The following TIAM2 variants were observed in gnomAD, a reference collection of about 807,000 sequenced individuals.
The protein encoded by TIAM2 is TIAM Rac1 associated GEF 2.
A neutral mutation model predicts 152.9 loss-of-function variants in TIAM2; 80 were observed. The ratio of observed to expected loss-of-function variants is 0.52; its 90% CI spans 0.44 to 0.63. The LOEUF (loss-of-function observed/expected upper bound fraction) is 0.63, where lower values mean the gene tolerates loss of function less well. Among genes scored for constraint, TIAM2 ranks in the 30% least tolerant of loss-of-function variants. The pLI is 0.00. For missense variants in TIAM2, 1,965 were observed against 2,120.1 expected, an observed-to-expected ratio of 0.93 and a Z score of 1.44; for synonymous variants, 804 against 838.0, an observed-to-expected ratio of 0.96 and a Z score of 0.70.
intron 1 of TIAM2, among the ~76,000 whole-genome samples, chr6:155,039,682 T>C (rs1377636026): frequency 6.6e-6 from 1 of 152,050 alleles, no homozygotes; most frequent in Admixed American, 6.6e-5. Flanking sequence ...AAAAGATCTT[T>C]CTTCTGACTG....
At chr6:155,065,747 C>T (rs533866071) in intron 1 of TIAM2, among the ~76,000 whole-genome samples, 3 of 152,190 alleles carry the variant, frequency 2.0e-5, no homozygotes, top group East Asian at 3.9e-4. Flanking sequence ...CCAGCTTGGG[C>T]AACAGAATAA....
rs150063533 is a variant in TIAM2 at position 155,163,035 on chromosome 6, G to C, written c.2029-1380G>C. 2.0e-4 allele frequency among the ~76,000 whole-genome samples: 30 copies of C among 152,276 alleles called. No homozygotes were observed. In the East Asian group the frequency reaches 3.3e-3, roughly 17 times the overall value. ...GGAATGCCCAGAATTTGTAATACTTGTCTATGGGGAGAGACTGGAGGGGGC... is the reference window on the plus strand; with the variant it reads ...GGAATGCCCAGAATTTGTAATACTTCTCTATGGGGAGAGACTGGAGGGGGC... On this transcript the variant is annotated intron_variant, in intron 7 of 26. Transcript: ENST00000682666.
At chr6:155,135,874 T>A (rs546156843) in intron 4 of TIAM2, among the ~76,000 whole-genome samples, 1 of 152,216 alleles carries the variant, frequency 6.6e-6, no homozygotes, top group Admixed American at 6.5e-5. Flanking sequence ...TTCATGAAAG[T>A]AATTCTCTAA....
chr6:155,083,157 G>A (rs1277490926), intron 1 of TIAM2, among the ~76,000 whole-genome samples: 5 of 151,858 alleles, frequency 3.3e-5, no homozygotes, highest in South Asian at 2.1e-4. Flanking sequence ...AGACCAGCTC[G>A]GTGAACATGG....
At chr6:155,045,838 C>CTT (rs1238583120) in intron 1 of TIAM2, among the ~76,000 whole-genome samples, 1 of 45,152 alleles carries the variant, frequency 2.2e-5, no homozygotes, top group Non-Finnish European at 4.5e-5. Context: ...ACATAGTGCC[C>CTT]TCTTTTTTTT....
chr6:155,103,617 G>A (rs916210390), intron 2 of TIAM2, among the ~76,000 whole-genome samples: 18 of 151,282 alleles, frequency 1.2e-4, no homozygotes, highest in African/African-American at 4.1e-4. Flanking sequence ...CCAGCTACTC[G>A]GGAGGCTGAG....
chr6:155,257,069 C>T lies in TIAM2; in HGVS notation c.5054C>T (p.Ser1685Phe). The T allele has an allele frequency of 1.2e-6, 2 of 1,613,742 alleles. No homozygotes were observed. The highest frequency in any genetic ancestry group is 1.7e-6 in the Non-Finnish European group (2 of 1,180,000). The change falls in exon 27 of 27, where the codon TCT becomes TTT. Residue 1685 changes from serine (S) to phenylalanine (F), a missense_variant. By Grantham distance (155) the Ser-to-Phe change is radical. Around this residue, in one of 3 missense-constraint regions of TIAM2, gnomAD observed 935 missense variants for 980.0 expected, o/e 0.95. Transcript: ENST00000682666. ...GAATTCAGTGTCCAGAGTTTAACAT[C>T]TGTTGTCAGTGAGGAGTGTTTTTAT... Reference protein sequence around the residue: ...EREFSVQSLTSVVSEECFYET... With the variant: ...EREFSVQSLTFVVSEECFYET...
intron 2 of TIAM2, among the ~76,000 whole-genome samples, chr6:155,100,168 A>T (rs1347909007): frequency 1.3e-5 from 2 of 152,202 alleles, no homozygotes; most frequent in African/African-American, 4.8e-5. Context: ...TATGATCATT[A>T]TGAGACAGGC....
intron 14 of TIAM2, among the ~76,000 whole-genome samples, chr6:155,195,716 G>C (rs952662623): frequency 1.2e-4 from 18 of 152,224 alleles, no homozygotes; most frequent in Non-Finnish European, 2.4e-4. Flanking sequence ...TGTGCATAGG[G>C]CAGGCCGGTA....
At chr6:155,239,573 A>G (rs1395818019) in intron 15 of TIAM2, among the ~76,000 whole-genome samples, 1 of 152,270 alleles carries the variant, frequency 6.6e-6, no homozygotes, top group African/African-American at 2.4e-5. Context: ...GGATACAGAT[A>G]GGCTGTCTTT....
chr6:155,075,530 T>C (rs1777936561), intron 1 of TIAM2, among the ~76,000 whole-genome samples: 1 of 152,170 alleles, frequency 6.6e-6, no homozygotes, highest in Admixed American at 6.5e-5. Flanking sequence ...AGAATTAGTG[T>C]GTAATAACAC....
intron 1 of TIAM2, among the ~76,000 whole-genome samples, chr6:155,032,935 A>T (rs7747339): frequency 0.26 from 40,300 of 152,122 alleles, 6,564 homozygotes; most frequent in African/African-American, 0.46. Context: ...TTCCCCCTGA[A>T]ATTTTCTGCC....
At chr6:155,242,468 G>A (rs1450989523) in intron 16 of TIAM2, among the ~76,000 whole-genome samples, 1 of 152,224 alleles carries the variant, frequency 6.6e-6, no homozygotes, top group Non-Finnish European at 1.5e-5. Context: ...CGTGGAATAT[G>A]GTGAGGGAAG....
At chr6:155,185,904 A>C in intron 14 of TIAM2, among the ~76,000 whole-genome samples, 1 of 152,154 alleles carries the variant, frequency 6.6e-6, no homozygotes, top group East Asian at 1.9e-4. Context: ...CCTGTGCTGG[A>C]AAAAACAGCC....
Position 155,250,989 on chromosome 6 carries a change from A to G in TIAM2, c.4028A>G (p.Lys1343Arg). ...TTGAATCCATTTCTGTCTCTAGGAA[A>G]AGCTAGAAAGGACCTTGAGCTCACA... ...SWLNPFLSLG[K>R]ARKDLELTVF... The change falls in exon 22 of 27, where the codon AAA becomes AGA. Residue 1343 changes from lysine (K) to arginine (R), a missense_variant. By Grantham distance (26) the Lys-to-Arg change is conservative (BLOSUM62 2). Transcript: ENST00000682666. 1 of 1,614,170 alleles carries G rather than the reference A, an allele frequency of 6.2e-7. No homozygotes were observed.
chr6:155,246,919 A>G (rs1331481105), intron 19 of TIAM2, among the ~76,000 whole-genome samples: 1 of 152,250 alleles, frequency 6.6e-6, no homozygotes, highest in Non-Finnish European at 1.5e-5. Flanking sequence ...GCAACTGGGC[A>G]TCCAGTGCCA....
chr6:155,072,397 G>T (rs547653027), intron 1 of TIAM2, among the ~76,000 whole-genome samples: 3 of 152,258 alleles, frequency 2.0e-5, no homozygotes, highest in African/African-American at 7.2e-5. Flanking sequence ...ATACATTAAA[G>T]AGTTACTTAG....
chr6:155,003,460 A>G (rs1368202245), intron 1 of TIAM2, among the ~76,000 whole-genome samples: 1 of 152,136 alleles, frequency 6.6e-6, no homozygotes, highest in African/African-American at 2.4e-5. Flanking sequence ...AGCCTAGGCA[A>G]CAGAGTGAGA....
At chr6:155,185,123 C>CTTTTTTTTTTTTT (rs11404301) in intron 14 of TIAM2, among the ~76,000 whole-genome samples, 7 of 92,402 alleles carry the variant, frequency 7.6e-5, no homozygotes, top group African/African-American at 2.2e-4. Flanking sequence ...GCAAATTTAC[C>CTTTTTTTTTTTTT]TTTTTTTTTT....
Sources: allele counts gnomAD v4.1 joint callset (sites outside exome capture counted in the v4.1 genomes callset), GRCh38; gene constraint gnomAD v4.1.1; regional missense constraint gnomAD v4.1.1; transcripts MANE v1.5; gene names NCBI Gene and HGNC (gene_info 2026-07-23, HGNC 2026-07-21).